The following CALN1 variants were observed in gnomAD, a reference collection of about 807,000 sequenced individuals.
CALN1 encodes calneuron 1, also known as calcium-binding protein 8.
In CALN1, 17 loss-of-function variants were observed where a neutral mutation model predicts 30.6. The ratio of observed to expected loss-of-function variants is 0.56; its 90% CI spans 0.38 to 0.83. The LOEUF (loss-of-function observed/expected upper bound fraction) is 0.83, where lower values mean the gene tolerates loss of function less well. Among genes scored for constraint, CALN1 ranks in the 40% least tolerant of loss-of-function variants. CALN1 has a pLI of 0.00. For missense variants in CALN1, 291 were observed against 354.9 expected (o/e 0.82, Z 1.45); for synonymous variants, 156 against 131.4 (o/e 1.19, Z -1.28).
chr7:72,431,194 T>C (rs1585721592), intron 1 of CALN1, among the ~76,000 whole-genome samples: 2 of 152,056 alleles, frequency 1.3e-5, no homozygotes, highest in African/African-American at 4.8e-5. Flanking sequence ...CCTCCCAAAG[T>C]GCTGGGATTA....
At chr7:72,256,480 A>T (rs1243454423) in intron 3 of CALN1, among the ~76,000 whole-genome samples, 1 of 152,128 alleles carries the variant, frequency 6.6e-6, no homozygotes, top group African/African-American at 2.4e-5. Context: ...AAAGAAGCAC[A>T]TGCACACACA....
chr7:72,040,496 TAATTA>T (rs919906921), intron 4 of CALN1, among the ~76,000 whole-genome samples: 1 of 152,100 alleles, frequency 6.6e-6, no homozygotes, highest in African/African-American at 2.4e-5. Context: ...AAAAATAAAT[TAATTA>T]AATACAGTTG....
chr7:72,317,544 G>C (rs767515630), intron 2 of CALN1, among the ~76,000 whole-genome samples: 7 of 152,196 alleles, frequency 4.6e-5, no homozygotes, highest in Non-Finnish European at 8.8e-5. Flanking sequence ...CCAGCATCTG[G>C]TAGGATGGGA....
chr7:72,032,052 CTTTTT>C lies in CALN1; in HGVS notation c.389-8288_389-8284del, dbSNP rs1184047697. Among the ~76,000 whole-genome samples the C allele has an allele frequency of 2.0e-3, 130 of 66,568 alleles. 2 individuals carry two copies. In the South Asian group the frequency reaches 0.029, roughly 15 times the overall value. 43.7% of individuals were successfully genotyped at this position (66,568 alleles called of 152,430 possible). A position where few individuals can be genotyped will look rare whatever the true frequency, so the allele number is the denominator to read the frequency against. Reference sequence around the variant, plus strand: ...GTGAGCCACCACACCTGGCTCCTGGCTTTTTTTTTTTTTTTTTTTTTTTTGAGACA... The same window carrying C: ...GTGAGCCACCACACCTGGCTCCTGGCTTTTTTTTTTTTTTTTTTTGAGACA... On this transcript the variant is annotated intron_variant, in intron 4 of 6. Transcript: ENST00000395275.
rs1165091566 is a variant in CALN1, at chr7:72,412,336, T to G, written c.-352A>C. The G allele has an allele frequency of 6.6e-6, 1 of 151,768 alleles. No homozygotes were observed. The highest frequency in any genetic ancestry group is 2.4e-5 in the African/African-American group (1 of 41,228). 9.4% of individuals were successfully genotyped at this position (151,768 alleles called of 1,614,324 possible). On this transcript the variant is annotated 5_prime_UTR_variant, in exon 1 of 7. Coordinates refer to ENST00000395275, the MANE Select transcript of CALN1 (RefSeq NM_031468.4). ...TCAAGCGGATAGCACCCCAGCGAGC[T>G]TCCCCAGCGGGCTCGGGGAGCCAGC...
the CALN1 span, among the ~76,000 whole-genome samples, chr7:72,480,259 T>C: frequency 6.6e-6 from 1 of 152,260 alleles, no homozygotes; most frequent in African/African-American, 2.4e-5. Context: ...CAGGAATCAA[T>C]GAAGGGTTTT....
intron 2 of CALN1, among the ~76,000 whole-genome samples, chr7:72,343,612 G>T (rs1802482652): frequency 6.6e-6 from 1 of 152,104 alleles, no homozygotes; most frequent in Non-Finnish European, 1.5e-5. Context: ...TCTGACTAGG[G>T]TGATTTCCAA....
intron 2 of CALN1, among the ~76,000 whole-genome samples, chr7:72,389,215 T>G (rs1805423654): frequency 6.6e-6 from 1 of 152,310 alleles, no homozygotes; most frequent in East Asian, 1.9e-4. Flanking sequence ...AAACACCCCC[T>G]GGGGACCAAT....
the CALN1 span, among the ~76,000 whole-genome samples, chr7:72,480,247 G>A: frequency 2.1e-4 from 32 of 152,312 alleles, no homozygotes; most frequent in African/African-American, 7.5e-4. Flanking sequence ...GAGAGTACTT[G>A]TCAGGAATCA....
At chr7:71,951,290 C>G (rs941965525) in intron 5 of CALN1, among the ~76,000 whole-genome samples, 7 of 152,140 alleles carry the variant, frequency 4.6e-5, no homozygotes, top group African/African-American at 1.7e-4. Flanking sequence ...CTTTTACTTA[C>G]AGTAAAGAAT....
chr7:72,278,652 G>A, intron 3 of CALN1, 34 bp downstream of exon 3: 2 of 1,592,204 alleles, frequency 1.3e-6, no homozygotes, highest in East Asian at 2.3e-5. Context: ...CCCTGGGAGG[G>A]GGGCCATCCC....
intron 4 of CALN1, among the ~76,000 whole-genome samples, chr7:72,077,214 C>T (rs765370085): frequency 6.6e-6 from 1 of 152,116 alleles, no homozygotes. Flanking sequence ...AATTGGAATT[C>T]ACAGTTCTGA....
intron 5 of CALN1, among the ~76,000 whole-genome samples, chr7:71,955,446 C>CA: frequency 6.6e-6 from 1 of 152,120 alleles, no homozygotes; most frequent in East Asian, 1.9e-4. Flanking sequence ...ATTTAAATCT[C>CA]AAAATGCTCT....
chr7:72,389,043 A>T (rs1260644326), intron 2 of CALN1, among the ~76,000 whole-genome samples: 1 of 152,176 alleles, frequency 6.6e-6, no homozygotes, highest in Non-Finnish European at 1.5e-5. Flanking sequence ...CGCTTCCTTC[A>T]GTTACCATAA....
rs869209266 is a variant in CALN1, at chr7:72,397,751, C to CACACCT, written c.119+5499_119+5500insAGGTGT. On this transcript the variant is annotated intron_variant, in intron 2 of 6. Transcript: ENST00000395275. The stretch of plus-strand genomic sequence containing the variant: ...ACACACACACACACACACACACACA[C>CACACCT]CTTGCTCCAACCAAAGTGGGTCCTC... Among the ~76,000 whole-genome samples, 3 of 147,616 alleles carry CACACCT rather than the reference C, an allele frequency of 2.0e-5. No individual in the cohort carries two copies. The East Asian group carries it at 6.1e-4, about 30-fold the overall frequency.
At chr7:71,795,893 A>G (rs1229359530) in intron 6 of CALN1, among the ~76,000 whole-genome samples, 2 of 134,540 alleles carry the variant, frequency 1.5e-5, no homozygotes. Context: ...ATCTCGGCTC[A>G]CTGCAAGCTC....
chr7:72,065,929 G>A (rs1803992763), intron 4 of CALN1, among the ~76,000 whole-genome samples: 1 of 151,986 alleles, frequency 6.6e-6, no homozygotes, highest in Non-Finnish European at 1.5e-5. Flanking sequence ...GAAACAGCAA[G>A]GATAGGAGGA....
At chr7:72,211,026 C>G (rs556148319) in intron 3 of CALN1, among the ~76,000 whole-genome samples, 2 of 152,116 alleles carry the variant, frequency 1.3e-5, no homozygotes, top group South Asian at 4.2e-4. Flanking sequence ...TGCACTCTAG[C>G]CTGGATGACA....
At chr7:72,258,578 T>C (rs143448957) in intron 3 of CALN1, among the ~76,000 whole-genome samples, 5 of 152,298 alleles carry the variant, frequency 3.3e-5, no homozygotes, top group African/African-American at 9.6e-5. Flanking sequence ...GCTTTCAGAA[T>C]ACTATGGGAA....
Sources: allele counts gnomAD v4.1 joint callset (sites outside exome capture counted in the v4.1 genomes callset), GRCh38; gene constraint gnomAD v4.1.1; transcripts MANE v1.5; gene names NCBI Gene and HGNC (gene_info 2026-07-23, HGNC 2026-07-21).